Variants in CELF2 observed in about 807,000 individuals in gnomAD.
CELF2 encodes CUG triplet repeat RNA-binding protein 2.
A neutral mutation model predicts 62.6 loss-of-function variants in CELF2; 8 were observed. That is an observed-to-expected ratio of 0.13 (90% CI 0.07 to 0.23). The LOEUF (loss-of-function observed/expected upper bound fraction) is 0.23, where lower values mean the gene tolerates loss of function less well. CELF2 is among the 10% of genes least tolerant of loss of function. CELF2 has a pLI of 1.00. For synonymous variants in CELF2, 258 were observed against 250.0 expected, an observed-to-expected ratio of 1.03 and a Z score of -0.30; for missense variants, 333 against 671.0, an observed-to-expected ratio of 0.50 and a Z score of 5.56.
intron 1 of CELF2, among the ~76,000 whole-genome samples, chr10:11,164,090 G>A (rs1350742155): frequency 6.6e-6 from 1 of 152,226 alleles, no homozygotes; most frequent in East Asian, 1.9e-4. Context: ...GGGTGGGTCT[G>A]CTCATGGAGG....
At chr10:10,730,827 A>C in the CELF2 span, among the ~76,000 whole-genome samples, 1 of 152,176 alleles carries the variant, frequency 6.6e-6, no homozygotes, top group African/African-American at 2.4e-5. Context: ...GATGCAGCAG[A>C]GTTGTCCAAC....
At chr10:10,540,732 A>G in the CELF2 span, among the ~76,000 whole-genome samples, 1 of 152,124 alleles carries the variant, frequency 6.6e-6, no homozygotes, top group African/African-American at 2.4e-5. Context: ...TCTACCAATA[A>G]TTAAAACATA....
chr10:11,009,330 T>C (rs909337319), intron 1 of CELF2, among the ~76,000 whole-genome samples: 140 of 135,870 alleles, frequency 1.0e-3, no homozygotes, highest in Middle Eastern at 3.6e-3. Context: ...TGTGTGTGTG[T>C]GTGTGTGCGC....
intron 2 of CELF2, among the ~76,000 whole-genome samples, chr10:10,978,517 T>C (rs564997505): frequency 1.3e-5 from 2 of 152,326 alleles, no homozygotes; most frequent in East Asian, 1.9e-4. Flanking sequence ...TTGTGTGTTT[T>C]AAAGACATCA....
intron 1 of CELF2, among the ~76,000 whole-genome samples, chr10:10,910,214 T>A (rs968169170): frequency 6.6e-6 from 1 of 152,182 alleles, no homozygotes; most frequent in African/African-American, 2.4e-5. Flanking sequence ...TAATAATTAT[T>A]TTGGTGTGTT....
At chr10:10,909,730 C>T (rs1156255927) in intron 1 of CELF2, among the ~76,000 whole-genome samples, 1 of 152,236 alleles carries the variant, frequency 6.6e-6, no homozygotes. Context: ...CCCTTCCTGC[C>T]CTCCCCAAAA....
In CELF2 at chr10:11,190,775, T is replaced by TAA. The variant is rs11301213; in HGVS notation, c.271+25120_271+25121dup. Reference sequence around the variant, plus strand: ...GGCTGGGTTTTGTATCTCTTTTCTTTAAAAAAAAAAAAAAAAAAAAAAAAA... The same window carrying TAA: ...GGCTGGGTTTTGTATCTCTTTTCTTTAAAAAAAAAAAAAAAAAAAAAAAAAAA... On this transcript the variant is annotated intron_variant, in intron 2 of 12. Transcript: ENST00000633077. Among the ~76,000 whole-genome samples the TAA allele has an allele frequency of 4.4e-3, 235 of 53,980 alleles. 4 individuals are homozygous for TAA. The highest frequency in any genetic ancestry group is 0.012 in the African/African-American group (155 of 12,804). The allele number at this position is 53,980 out of a possible 152,430, so 35.4% of individuals were successfully genotyped here. A position where few individuals can be genotyped will look rare whatever the true frequency, so the allele number is the denominator to read the frequency against.
chr10:10,781,234 C>G, the CELF2 span, among the ~76,000 whole-genome samples: 1 of 152,320 alleles, frequency 6.6e-6, no homozygotes, highest in Admixed American at 6.5e-5. Flanking sequence ...CATATTTTTA[C>G]CTTTTTTATG....
chr10:10,975,278 C>A (rs533752809), intron 2 of CELF2, among the ~76,000 whole-genome samples: 9 of 152,092 alleles, frequency 5.9e-5, no homozygotes, highest in Non-Finnish European at 1.0e-4. Context: ...CCACTACGCC[C>A]AGCTAATTTT....
chr10:11,165,258 C>T lies in CELF2; in HGVS notation c.75-228C>T. ...GGCAGGGCGCTGCCCCGTGCTCCCCCGGCTCTGCTCGACAGCAGCACGCAG... is the reference window on the plus strand; with the variant it reads ...GGCAGGGCGCTGCCCCGTGCTCCCCTGGCTCTGCTCGACAGCAGCACGCAG... On this transcript the variant is annotated intron_variant, in intron 1 of 12. Coordinates refer to ENST00000633077, the MANE Select transcript of CELF2 (RefSeq NM_001326342.2). The surrounding 1 kb of genome is among the most constrained non-coding windows in gnomAD (Gnocchi z 7.4). The T allele has an allele frequency of 6.6e-6, 9 of 1,371,642 alleles. No individual in the cohort carries two copies. Among genetic ancestry groups the T allele is most frequent in the South Asian group, 6.4e-5 (4 of 62,820 alleles). The allele number at this position is 1,371,642 out of a possible 1,614,324, so 85.0% of individuals were successfully genotyped here.
chr10:10,949,909 A>T (rs1304012334), intron 2 of CELF2, among the ~76,000 whole-genome samples: 1 of 150,528 alleles, frequency 6.6e-6, no homozygotes, highest in Non-Finnish European at 1.5e-5. Flanking sequence ...GAAAACCCTT[A>T]TTTTGTCTAC....
At chr10:10,859,277 T>C (rs2059924845) in intron 1 of CELF2, among the ~76,000 whole-genome samples, 1 of 152,172 alleles carries the variant, frequency 6.6e-6, no homozygotes, top group African/African-American at 2.4e-5. Context: ...TTGATCAAGA[T>C]AGTTAATTTT....
Position 11,153,760 on chromosome 10 carries a change from T to C in CELF2, c.75-11726T>C, listed in dbSNP as rs189631259. On this transcript the variant is annotated intron_variant, in intron 1 of 12. Transcript: ENST00000633077. Reference sequence around the variant, plus strand: ...CCTGGGTGATTTTGACACTGTGAAATGTTGATCAGTCCCTAAACTGGCATC... The same window carrying C: ...CCTGGGTGATTTTGACACTGTGAAACGTTGATCAGTCCCTAAACTGGCATC... 5.3e-5 allele frequency among the ~76,000 whole-genome samples: 8 copies of C among 152,354 alleles called. No individual in the cohort carries two copies. In the East Asian group the frequency reaches 1.3e-3, roughly 26 times the overall value.
At chr10:10,588,326 G>A in the CELF2 span, among the ~76,000 whole-genome samples, 1 of 152,172 alleles carries the variant, frequency 6.6e-6, no homozygotes, top group African/African-American at 2.4e-5. Flanking sequence ...GCAGGTGAAT[G>A]AGACCAGTGA....
the CELF2 span, among the ~76,000 whole-genome samples, chr10:10,736,396 C>CTTTCTTTCTTTCTTTCTTTCTTT: frequency 4.7e-4 from 36 of 75,982 alleles, no homozygotes; most frequent in African/African-American, 1.6e-3. Context: ...TTCTTTCTTT[C>CTTTCTTTCTTTCTTTCTTTCTTT]TTTTTTTTTT....
chr10:10,987,253 A>T (rs2052870940), intron 2 of CELF2, among the ~76,000 whole-genome samples: 1 of 131,652 alleles, frequency 7.6e-6, no homozygotes, highest in African/African-American at 4.1e-5. Flanking sequence ...CTCTCTAGAG[A>T]TCTTTTTTTT....
At chr10:11,124,128 C>G (rs569087900) in intron 1 of CELF2, among the ~76,000 whole-genome samples, 3 of 147,538 alleles carry the variant, frequency 2.0e-5, no homozygotes, top group Admixed American at 2.0e-4. Flanking sequence ...GGGAGAACTG[C>G]CCCATGATTC....
At chr10:11,171,846 T>C (rs553740805) in intron 2 of CELF2, among the ~76,000 whole-genome samples, 199 of 151,288 alleles carry the variant, frequency 1.3e-3, no homozygotes, top group Non-Finnish European at 2.4e-3. Context: ...CATTTGTTTC[T>C]TCTTTAAAAT....
the CELF2 span, among the ~76,000 whole-genome samples, chr10:10,610,972 A>G: frequency 6.6e-6 from 1 of 152,190 alleles, no homozygotes; most frequent in South Asian, 2.1e-4. Context: ...GGATTACACT[A>G]CTTTCTGTCT....
Sources: gnomAD v4.1 joint callset for allele counts (sites outside exome capture counted in the v4.1 genomes callset) on GRCh38, gnomAD v4.1.1 for gene constraint, Gnocchi (gnomAD v3.1) non-coding constraint, MANE v1.5 for transcripts, NCBI Gene and HGNC (gene_info 2026-07-23, HGNC 2026-07-21) for gene names.